CMTM6: variants seen among roughly 807,000 people sequenced by gnomAD.
The protein encoded by CMTM6 is CKLF-like MARVEL transmembrane domain-containing protein 6.
In CMTM6, 5 loss-of-function variants were observed where a neutral mutation model predicts 13.6. The observed-to-expected ratio is 0.37, with a 90% CI of 0.19 to 0.77. CMTM6 has a LOEUF of 0.77. Among genes scored for constraint, CMTM6 ranks in the 30% least tolerant of loss-of-function variants. The pLI, the probability that CMTM6 is intolerant of heterozygous loss-of-function variation, is 0.50. For missense variants in CMTM6, 196 were observed against 218.6 expected, an observed-to-expected ratio of 0.90 and a Z score of 0.65; for synonymous variants, 99 against 84.5, an observed-to-expected ratio of 1.17 and a Z score of -0.94.
intron 1 of CMTM6, among the ~76,000 whole-genome samples, chr3:32,500,978 C>T (rs1044009516): frequency 1.3e-5 from 2 of 150,968 alleles, no homozygotes; most frequent in South Asian, 2.1e-4. Context: ...CGAAAATCAC[C>T]TGAAGTCAGG....
chr3:32,498,686 C>T (rs1252360452), intron 1 of CMTM6, among the ~76,000 whole-genome samples: 6 of 150,638 alleles, frequency 4.0e-5, no homozygotes, highest in African/African-American at 1.2e-4. Context: ...GCAATCTCCA[C>T]CTCCTGCCTC....
intron 3 of CMTM6, among the ~76,000 whole-genome samples, chr3:32,485,619 A>G (rs1222118844): frequency 2.0e-5 from 3 of 152,242 alleles, no homozygotes; most frequent in Non-Finnish European, 4.4e-5. Flanking sequence ...TTAACCATAA[A>G]GCCCTATTAA....
chr3:32,492,850 C>T (rs1433638172), intron 1 of CMTM6, among the ~76,000 whole-genome samples: 6 of 152,210 alleles, frequency 3.9e-5, no homozygotes, highest in East Asian at 1.9e-4. Context: ...GGTCTACTGA[C>T]GAATTCCACA....
chr3:32,494,812 A>G (rs1417804984), intron 1 of CMTM6, among the ~76,000 whole-genome samples: 1 of 152,234 alleles, frequency 6.6e-6, no homozygotes, highest in East Asian at 1.9e-4. Context: ...AATAATAAAA[A>G]TAATAATGAT....
Position 32,491,848 on chromosome 3 carries a change from T to TA in CMTM6, c.176dup (p.Ser60IlefsTer13). ...GTCCTCCACATAAAGTACATTGTGA[T>TA]ACAACTTCTTCACAGATGAAGGCCA... is the stretch of plus-strand genomic sequence containing the variant. On this transcript the variant is annotated frameshift_variant, in exon 2 of 4. Transcript: ENST00000205636. LOFTEE classifies it high-confidence loss of function. 1 of 1,612,496 alleles carries TA rather than the reference T, an allele frequency of 6.2e-7. No homozygotes were observed. The highest frequency in any genetic ancestry group is 8.5e-7 in the Non-Finnish European group (1 of 1,179,520).
At chr3:32,486,066 C>T (rs1310594546) in intron 3 of CMTM6, among the ~76,000 whole-genome samples, 4 of 152,154 alleles carry the variant, frequency 2.6e-5, no homozygotes, top group African/African-American at 9.7e-5. Flanking sequence ...TTAGTAGAGA[C>T]AAGCTTTCAC....
intron 1 of CMTM6, among the ~76,000 whole-genome samples, chr3:32,500,236 A>G (rs945485573): frequency 2.0e-5 from 3 of 152,254 alleles, no homozygotes; most frequent in African/African-American, 7.2e-5. Flanking sequence ...TAAAAAAATT[A>G]AACATTTAAA....
rs1432846216 is a variant in CMTM6, at chr3:32,481,679, T to C, written c.*2281A>G. The C allele has an allele frequency of 3.3e-5, 5 of 152,216 alleles. No individual in the cohort carries two copies. The highest frequency in any genetic ancestry group is 1.2e-4 in the African/African-American group (5 of 41,452). 9.4% of individuals were successfully genotyped at this position (152,216 alleles called of 1,614,324 possible). On this transcript the variant is annotated 3_prime_UTR_variant, in exon 4 of 4. Coordinates refer to ENST00000205636, the MANE Select transcript of CMTM6 (RefSeq NM_017801.3). The stretch of plus-strand genomic sequence containing the variant: ...CTTGAACTTATTTACTACAATGGTC[T>C]TTTTACTCCTATTTATTTCCTTCTA...
chr3:32,501,257 A>G (rs1461417134), intron 1 of CMTM6, among the ~76,000 whole-genome samples: 2 of 152,072 alleles, frequency 1.3e-5, no homozygotes, highest in Non-Finnish European at 2.9e-5. Context: ...CTATTCACGT[A>G]GAAAATTTTA....
Position 32,502,746 on chromosome 3 carries a change from C to A in CMTM6, c.-1G>T. On this transcript the variant is annotated 5_prime_UTR_variant, in exon 1 of 4. Coordinates refer to ENST00000205636, the MANE Select transcript of CMTM6 (RefSeq NM_017801.3). The stretch of plus-strand genomic sequence containing the variant: ...GGCTGTACACCGCTCCGTTCTCCAT[C>A]GCCTCGGGCCGGGGAGCGCGGCGGC... 1.4e-6 allele frequency: 2 copies of A among 1,444,876 alleles called. No homozygotes were observed. The highest frequency in any genetic ancestry group is 1.8e-6 in the Non-Finnish European group (2 of 1,098,424). 89.5% of individuals were successfully genotyped at this position (1,444,876 alleles called of 1,614,324 possible). A position where few individuals can be genotyped will look rare whatever the true frequency, so the allele number is the denominator to read the frequency against.
Position 32,502,773 on chromosome 3 carries a change from G to A in CMTM6, c.-28C>T, listed in dbSNP as rs766207744. On this transcript the variant is annotated 5_prime_UTR_variant, in exon 1 of 4. Coordinates refer to ENST00000205636, the MANE Select transcript of CMTM6 (RefSeq NM_017801.3). ...CCTCGGGCCGGGGAGCGCGGCGGCC[G>A]CAGCAACCGCGCCGTTGACTTCTCG... is the stretch of plus-strand genomic sequence containing the variant. The A allele has an allele frequency of 5.7e-6, 8 of 1,402,670 alleles. No homozygotes were observed. The highest frequency in any genetic ancestry group is 3.0e-5 in the East Asian group (1 of 33,740). The allele number at this position is 1,402,670 out of a possible 1,614,324, so 86.9% of individuals were successfully genotyped here.
intron 1 of CMTM6, among the ~76,000 whole-genome samples, chr3:32,492,912 G>C (rs1697260602): frequency 6.6e-6 from 1 of 152,190 alleles, no homozygotes. Flanking sequence ...CTTCCAGACT[G>C]ATGTTATCTG....
In CMTM6 at chr3:32,483,999, G is replaced by A. The variant is rs1697180148; in HGVS notation, c.513C>T (p.Thr171=). The A allele has an allele frequency of 1.2e-6, 2 of 1,611,592 alleles. No individual in the cohort carries two copies. The highest frequency in any genetic ancestry group is 1.7e-6 in the Non-Finnish European group (2 of 1,179,286). Residue 171 remains threonine, a synonymous_variant, in exon 4 of 4, where the codon ACC becomes ACT. Transcript: ENST00000205636. ...GCTCAGTGAGGGCTTCAGCCCTAGT[G>A]GTATTTTCAGGTTTTCTCAGCTGGG... The part of the protein sequence containing the change: ...QESQLRKPEN[T]TRAEALTEPL...
chr3:32,498,187 T>G (rs1010494442), intron 1 of CMTM6, among the ~76,000 whole-genome samples: 1 of 152,202 alleles, frequency 6.6e-6, no homozygotes, highest in Non-Finnish European at 1.5e-5. Flanking sequence ...ATCAAGCTTT[T>G]AATGTCAGGA....
chr3:32,484,205 A>G, intron 3 of CMTM6, 108 bp from the exon 4 acceptor site: 6 of 1,040,600 alleles, frequency 5.8e-6, no homozygotes, highest in Non-Finnish European at 8.0e-6. Context: ...CATGAATTTT[A>G]TCTTATACAC....
chr3:32,487,262 T>C (rs1050237154), intron 3 of CMTM6, among the ~76,000 whole-genome samples: 3 of 152,186 alleles, frequency 2.0e-5, no homozygotes, highest in African/African-American at 7.2e-5. Flanking sequence ...CAACACTATC[T>C]CTGCCTCATA....
At chr3:32,500,563 T>A (rs965342142) in intron 1 of CMTM6, among the ~76,000 whole-genome samples, 2 of 152,256 alleles carry the variant, frequency 1.3e-5, no homozygotes, top group Non-Finnish European at 2.9e-5. Flanking sequence ...TATTAGTTTT[T>A]ATTTTTTCTC....
intron 1 of CMTM6, among the ~76,000 whole-genome samples, chr3:32,496,054 A>G (rs754763989): frequency 3.9e-5 from 6 of 152,176 alleles, no homozygotes; most frequent in African/African-American, 1.4e-4. Flanking sequence ...TAGAAAAATT[A>G]GCTGGGCATG....
chr3:32,485,650 A>G (rs2125655548), intron 3 of CMTM6, among the ~76,000 whole-genome samples: 1 of 152,304 alleles, frequency 6.6e-6, no homozygotes, highest in Middle Eastern at 3.4e-3. Context: ...TTTCTCTTCT[A>G]TTGGTTCATG....
Sources: gnomAD v4.1 joint callset for allele counts (sites outside exome capture counted in the v4.1 genomes callset) on GRCh38, gnomAD v4.1.1 for gene constraint, MANE v1.5 for transcripts, NCBI Gene and HGNC (gene_info 2026-07-23, HGNC 2026-07-21) for gene names.